Variants in DNAH11 observed in about 807,000 individuals in gnomAD.
The protein encoded by DNAH11 is axonemal beta dynein heavy chain 11.
DNAH11 carries 442 observed loss-of-function variants against 526.0 expected under a neutral mutation model. The ratio of observed to expected loss-of-function variants is 0.84; its 90% CI spans 0.78 to 0.91. The LOEUF (loss-of-function observed/expected upper bound fraction) is 0.91, where lower values mean the gene tolerates loss of function less well. DNAH11 is among the 40% of genes least tolerant of loss of function. The pLI is 0.00. For synonymous variants in DNAH11, 2,461 were observed against 1,935.9 expected, an observed-to-expected ratio of 1.27 and a Z score of -7.12; for missense variants, 6,989 against 5,448.7, an observed-to-expected ratio of 1.28 and a Z score of -8.90.
intron 28 of DNAH11, among the ~76,000 whole-genome samples, chr7:21,654,110 T>G (rs774097369): frequency 5.9e-5 from 9 of 152,096 alleles, no homozygotes; most frequent in Non-Finnish European, 8.8e-5. Flanking sequence ...AATTTAACAT[T>G]AAATTAACTG....
intron 45 of DNAH11, among the ~76,000 whole-genome samples, chr7:21,729,835 C>G (rs759626832): frequency 2.0e-5 from 3 of 152,186 alleles, no homozygotes; most frequent in Non-Finnish European, 4.4e-5. Context: ...ATCCTTTTGT[C>G]TTACCCTGTT....
At chr7:21,846,017 A>G (rs959328250) in intron 66 of DNAH11, among the ~76,000 whole-genome samples, 1 of 152,138 alleles carries the variant, frequency 6.6e-6, no homozygotes, top group African/African-American at 2.4e-5. Context: ...TGTGTTTTAA[A>G]TTTCAAATTC....
intron 45 of DNAH11, among the ~76,000 whole-genome samples, chr7:21,729,205 G>A (rs778168163): frequency 1.3e-5 from 2 of 152,194 alleles, no homozygotes; most frequent in Non-Finnish European, 2.9e-5. Flanking sequence ...TTGCTAAATT[G>A]TCTTGTCCTG....
intron 52 of DNAH11, among the ~76,000 whole-genome samples, chr7:21,749,097 A>G (rs1253735384): frequency 6.6e-6 from 1 of 152,172 alleles, no homozygotes; most frequent in East Asian, 1.9e-4. Context: ...AAAAGACACT[A>G]ACTTCACAAG....
chr7:21,739,066 T>G (rs1420728573), intron 47 of DNAH11, among the ~76,000 whole-genome samples, 200 bp downstream of exon 47: 1 of 152,188 alleles, frequency 6.6e-6, no homozygotes, highest in African/African-American at 2.4e-5. Flanking sequence ...TTAAGTGTAA[T>G]AGTTTCCCTT....
At chr7:21,625,255 G>T (rs1786274463) in intron 25 of DNAH11, among the ~76,000 whole-genome samples, 1 of 151,754 alleles carries the variant, frequency 6.6e-6, no homozygotes, top group Admixed American at 6.6e-5. Flanking sequence ...ATTCAGTCTT[G>T]GTAGGTTGTA....
At chr7:21,772,558 A>G (rs2127978333) in intron 55 of DNAH11, among the ~76,000 whole-genome samples, 1 of 152,048 alleles carries the variant, frequency 6.6e-6, no homozygotes, top group Non-Finnish European at 1.5e-5. Flanking sequence ...AGTTTATATA[A>G]ACTTCTTCAT....
At chr7:21,734,148 C>T (rs533462641) in intron 45 of DNAH11, among the ~76,000 whole-genome samples, 2 of 152,258 alleles carry the variant, frequency 1.3e-5, no homozygotes, top group Admixed American at 6.5e-5. Flanking sequence ...CGAAGTACTG[C>T]CACTTACTAG....
At chr7:21,650,120 G>T (rs1036439144) in intron 28 of DNAH11, among the ~76,000 whole-genome samples, 1 of 151,940 alleles carries the variant, frequency 6.6e-6, no homozygotes, top group Admixed American at 6.6e-5. Flanking sequence ...CATTTGTGTT[G>T]TGAACACATT....
At chr7:21,598,914 G>T (rs1459023409) in intron 14 of DNAH11, among the ~76,000 whole-genome samples, 1 of 151,954 alleles carries the variant, frequency 6.6e-6, no homozygotes, top group Non-Finnish European at 1.5e-5. Flanking sequence ...CAAAGGACAT[G>T]ATCTCGTTGT....
chr7:21,828,156 T>A (rs1382825800), intron 65 of DNAH11, among the ~76,000 whole-genome samples: 1 of 151,916 alleles, frequency 6.6e-6, no homozygotes, highest in East Asian at 1.9e-4. Flanking sequence ...ACTATGTTGG[T>A]CAGGCTGGTC....
intron 66 of DNAH11, among the ~76,000 whole-genome samples, chr7:21,846,726 G>C (rs1782435949): frequency 6.6e-6 from 1 of 152,052 alleles, no homozygotes; most frequent in Non-Finnish European, 1.5e-5. Context: ...TTGCCCTATA[G>C]AATGAGATAG....
At chr7:21,744,323 T>A in intron 49 of DNAH11, 115 bp from the exon 50 acceptor site, 1 of 1,124,256 alleles carries the variant, frequency 8.9e-7, no homozygotes, top group Non-Finnish European at 1.3e-6. Flanking sequence ...TTACTATTGA[T>A]GATATTTCTT....
chr7:21,748,433 G>A (rs919921302), intron 51 of DNAH11, 147 bp from the exon 52 acceptor site: 1 of 876,650 alleles, frequency 1.1e-6, no homozygotes, highest in African/African-American at 1.7e-5. Context: ...AGGCTGCAAT[G>A]AGCCAAGATC....
chr7:21,589,692 A>T (rs1033860731), intron 12 of DNAH11, among the ~76,000 whole-genome samples: 3 of 152,090 alleles, frequency 2.0e-5, no homozygotes, highest in Non-Finnish European at 4.4e-5. Flanking sequence ...CTATGTTTCT[A>T]GTTTAGTGTC....
chr7:21,571,268 C>A (rs754209393), intron 7 of DNAH11, among the ~76,000 whole-genome samples: 67 of 152,024 alleles, frequency 4.4e-4, no homozygotes, highest in Non-Finnish European at 8.4e-4. Context: ...GTTGCTTCTA[C>A]TGCGAGATAG....
At position 21,710,578 on chromosome 7, in the gene DNAH11, C is replaced by T. The variant is rs370225380; in HGVS notation, c.6709C>T (p.Leu2237Phe). 1 of 1,610,948 alleles carries T rather than the reference C, an allele frequency of 6.2e-7. No homozygotes were observed. The highest frequency in any genetic ancestry group is 8.5e-7 in the Non-Finnish European group (1 of 1,177,888). Residue 2237 changes from leucine (L) to phenylalanine (F), a missense_variant, in exon 41 of 82, where the codon CTC (leucine) becomes TTC (phenylalanine). Leu to Phe is a conservative substitution (Grantham distance 22). Coordinates refer to ENST00000409508, the MANE Select transcript of DNAH11 (RefSeq NM_001277115.2). Reference sequence around the variant, plus strand: ...GATTGTTTACTCTTATTTTATAGGTCTCTTCTCATCCATTCTACGAGAACA... The same window carrying T: ...GATTGTTTACTCTTATTTTATAGGTTTCTTCTCATCCATTCTACGAGAACA... ...GKIVYSYFIG[L>F]FSSILREQAN...
Position 21,894,874 on chromosome 7 carries a change from T to C in DNAH11, c.12934-10T>C. On this transcript the variant is annotated splice_polypyrimidine_tract_variant and intron_variant, in intron 78 of 81. Coordinates refer to ENST00000409508, the MANE Select transcript of DNAH11 (RefSeq NM_001277115.2). ...GATATTCACTGTGTGGCTTTTTTTC[T>C]CCATGCAAGGGGGAATTGGCATTAT... 1 of 1,613,708 alleles carries C rather than the reference T, an allele frequency of 6.2e-7. No individual in the cohort carries two copies. The highest frequency in any genetic ancestry group is 8.5e-7 in the Non-Finnish European group (1 of 1,179,692).
chr7:21,745,129 T>C (rs1454748891), intron 51 of DNAH11, 66 bp downstream of exon 51: 1 of 1,486,598 alleles, frequency 6.7e-7, no homozygotes, highest in African/African-American at 1.4e-5. Context: ...CTACTGTCAT[T>C]TTTCAATAGA....
Sources: allele counts gnomAD v4.1 joint callset (sites outside exome capture counted in the v4.1 genomes callset), GRCh38; gene constraint gnomAD v4.1.1; transcripts MANE v1.5; gene names NCBI Gene and HGNC (gene_info 2026-07-23, HGNC 2026-07-21).